Variants in ITFG1 observed in about 807,000 individuals in gnomAD.
ITFG1 encodes the protein T-cell immunomodulatory protein.
A neutral mutation model predicts 81.8 loss-of-function variants in ITFG1; 34 were observed. That is an observed-to-expected ratio of 0.42 (90% CI 0.32 to 0.55). The LOEUF (loss-of-function observed/expected upper bound fraction) is 0.55, where lower values mean the gene tolerates loss of function less well. ITFG1 is among the 20% of genes least tolerant of loss of function. The probability of loss-of-function intolerance (pLI) is 0.17; values close to 1 mark genes in which losing one functional copy is unlikely to be tolerated. For missense variants in ITFG1, 672 were observed against 755.4 expected (o/e 0.89, Z 1.29); for synonymous variants, 285 against 270.6 (o/e 1.05, Z -0.52).
intron 10 of ITFG1, among the ~76,000 whole-genome samples, chr16:47,292,336 T>C (rs1361098188): frequency 2.0e-5 from 3 of 152,178 alleles, no homozygotes; most frequent in Non-Finnish European, 4.4e-5. Context: ...AATGTGTTTT[T>C]CTGTGTCCCT....
At chr16:47,219,511 A>C (rs1287163859) in intron 13 of ITFG1, among the ~76,000 whole-genome samples, 1 of 152,164 alleles carries the variant, frequency 6.6e-6, no homozygotes, top group African/African-American at 2.4e-5. Context: ...ACATTCCTCA[A>C]ACCTTGAATA....
intron 6 of ITFG1, among the ~76,000 whole-genome samples, chr16:47,401,536 G>C (rs1044089398): frequency 1.3e-5 from 2 of 152,202 alleles, no homozygotes; most frequent in African/African-American, 4.8e-5. Flanking sequence ...GGAAGTGTCA[G>C]ATGCTACCTA....
At chr16:47,354,152 A>G (rs1242016536) in intron 8 of ITFG1, among the ~76,000 whole-genome samples, 1 of 152,190 alleles carries the variant, frequency 6.6e-6, no homozygotes, top group Non-Finnish European at 1.5e-5. Context: ...ACTTTAAAAC[A>G]TACTACAAAG....
At chr16:47,445,665 A>C (rs1452493941) in intron 5 of ITFG1, among the ~76,000 whole-genome samples, 1 of 152,188 alleles carries the variant, frequency 6.6e-6, no homozygotes, top group Admixed American at 6.5e-5. Flanking sequence ...AGCTAGTCCC[A>C]TGACCTATTT....
intron 7 of ITFG1, among the ~76,000 whole-genome samples, chr16:47,375,352 T>C (rs1762289925): frequency 6.6e-6 from 1 of 151,584 alleles, no homozygotes; most frequent in Non-Finnish European, 1.5e-5. Flanking sequence ...ATAACTCACA[T>C]CAAGCTAAAA....
chr16:47,238,098 C>T, intron 12 of ITFG1, 90 bp from the exon 13 acceptor site: 1 of 684,452 alleles, frequency 1.5e-6, no homozygotes, highest in East Asian at 3.1e-5. Context: ...TTAATATACT[C>T]TATTGATTCA....
intron 4 of ITFG1, among the ~76,000 whole-genome samples, chr16:47,452,367 G>T (rs947500107): frequency 1.3e-5 from 2 of 152,078 alleles, no homozygotes; most frequent in Non-Finnish European, 2.9e-5. Context: ...ATTATAAAAA[G>T]AACAAAAATT....
At chr16:47,339,737 A>T (rs1249465896) in intron 8 of ITFG1, among the ~76,000 whole-genome samples, 1 of 152,108 alleles carries the variant, frequency 6.6e-6, no homozygotes, top group East Asian at 1.9e-4. Context: ...GGACACTATC[A>T]AGTGGATCAC....
intron 10 of ITFG1, among the ~76,000 whole-genome samples, chr16:47,274,410 T>C (rs1437876249): frequency 1.3e-5 from 2 of 152,192 alleles, no homozygotes; most frequent in Admixed American, 1.3e-4. Context: ...ACCAGGAATG[T>C]ATATAAAATC....
intron 1 of ITFG1, 63 bp downstream of exon 1, chr16:47,460,775 T>C (rs1242268012): frequency 6.4e-7 from 1 of 1,563,776 alleles, no homozygotes; most frequent in Non-Finnish European, 8.7e-7. Context: ...GGGCAATGGG[T>C]TTGGGGAACA....
intron 14 of ITFG1, among the ~76,000 whole-genome samples, chr16:47,177,627 T>G (rs1035277919): frequency 6.6e-6 from 1 of 152,236 alleles, no homozygotes; most frequent in Non-Finnish European, 1.5e-5. Flanking sequence ...AAATATAAAG[T>G]GATTTTAATG....
chr16:47,427,445 TCTGGAGTTCGAGACCAGC>T (rs544700521), intron 6 of ITFG1, among the ~76,000 whole-genome samples: 31 of 152,208 alleles, frequency 2.0e-4, no homozygotes, highest in African/African-American at 7.0e-4. Context: ...TTGCCTGAGC[TCTGGAGTTCGAGACCAGC>T]CTGGCCAACA....
chr16:47,344,645 T>C (rs1196657003), intron 8 of ITFG1, among the ~76,000 whole-genome samples: 2 of 152,220 alleles, frequency 1.3e-5, no homozygotes, highest in African/African-American at 2.4e-5. Flanking sequence ...TGTGGGTACA[T>C]AGTAGGCATA....
At chr16:47,409,720 C>A (rs1334461937) in intron 6 of ITFG1, among the ~76,000 whole-genome samples, 1 of 150,890 alleles carries the variant, frequency 6.6e-6, no homozygotes, top group Non-Finnish European at 1.5e-5. Context: ...CCTGACCCCA[C>A]AAAAAAAATT....
intron 12 of ITFG1, among the ~76,000 whole-genome samples, chr16:47,247,839 G>A (rs1239879870): frequency 6.6e-6 from 1 of 152,030 alleles, no homozygotes; most frequent in Admixed American, 6.6e-5. Context: ...GGTTTAAAGG[G>A]CTCTTTGTGT....
intron 6 of ITFG1, among the ~76,000 whole-genome samples, chr16:47,400,211 T>A (rs547639453): frequency 6.6e-6 from 1 of 152,174 alleles, no homozygotes; most frequent in Non-Finnish European, 1.5e-5. Context: ...GTACTTTCCT[T>A]CCTTCACTCA....
At chr16:47,396,526 G>T (rs1968596322) in intron 6 of ITFG1, among the ~76,000 whole-genome samples, 1 of 150,884 alleles carries the variant, frequency 6.6e-6, no homozygotes, top group East Asian at 1.9e-4. Flanking sequence ...TAATTATTTT[G>T]TGTGTGTGTG....
At chr16:47,222,413 CTTT>C (rs1043034196) in intron 13 of ITFG1, among the ~76,000 whole-genome samples, 1 of 130,918 alleles carries the variant, frequency 7.6e-6, no homozygotes. Flanking sequence ...GAGTTTCTTT[CTTT>C]TTTTTTTTTT....
At position 47,427,222 on chromosome 16, in the gene ITFG1, G is replaced by C. The variant is rs904849676; in HGVS notation, c.655+1582C>G. Among the ~76,000 whole-genome samples the C allele has an allele frequency of 2.6e-5, 4 of 152,294 alleles. No individual in the cohort carries two copies. In the East Asian group the frequency reaches 7.7e-4, roughly 29 times the overall value. ...GAGAATACTGTAATGGATGATCTATGCTGAGGAAAACTGAACCTACTGATC... is the reference window on the plus strand; with the variant it reads ...GAGAATACTGTAATGGATGATCTATCCTGAGGAAAACTGAACCTACTGATC... On this transcript the variant is annotated intron_variant, in intron 6 of 17. Transcript: ENST00000320640.
Sources: gnomAD v4.1 joint callset for allele counts (sites outside exome capture counted in the v4.1 genomes callset) on GRCh38, gnomAD v4.1.1 for gene constraint, MANE v1.5 for transcripts, NCBI Gene and HGNC (gene_info 2026-07-23, HGNC 2026-07-21) for gene names.